The following CTNNA3 variants were observed in gnomAD, a reference collection of about 807,000 sequenced individuals.
CTNNA3 encodes catenin alpha 3.
A neutral mutation model predicts 95.7 loss-of-function variants in CTNNA3; 76 were observed. That is an observed-to-expected ratio of 0.79 (90% confidence interval 0.66 to 0.96). The LOEUF (loss-of-function observed/expected upper bound fraction) is 0.96, where lower values mean the gene tolerates loss of function less well. Ranked by LOEUF, CTNNA3 falls within the 40% of genes least tolerant of loss-of-function variation. CTNNA3 has a pLI of 0.00. For missense variants in CTNNA3, 1,191 were observed against 1,089.8 expected, an observed-to-expected ratio of 1.09 and a Z score of -1.31; for synonymous variants, 431 against 374.4, an observed-to-expected ratio of 1.15 and a Z score of -1.74.
intron 10 of CTNNA3, among the ~76,000 whole-genome samples, chr10:66,617,886 C>T (rs1471738913): frequency 2.0e-5 from 3 of 150,950 alleles, no homozygotes; most frequent in East Asian, 3.9e-4. Context: ...AACCAATGTA[C>T]AAAAATCACA....
At chr10:67,085,786 G>A (rs766899391) in intron 7 of CTNNA3, among the ~76,000 whole-genome samples, 3 of 151,794 alleles carry the variant, frequency 2.0e-5, no homozygotes, top group Non-Finnish European at 2.9e-5. Context: ...TTACTAATAC[G>A]CAAGCCTGCA....
chr10:67,592,421 AGAG>A (rs1461454845), intron 3 of CTNNA3, among the ~76,000 whole-genome samples: 2 of 152,118 alleles, frequency 1.3e-5, no homozygotes, highest in Non-Finnish European at 2.9e-5. Context: ...AAACAAAGGG[AGAG>A]AAGAAGCTGC....
At chr10:66,180,437 C>G (rs953362003) in intron 13 of CTNNA3, among the ~76,000 whole-genome samples, 1 of 152,100 alleles carries the variant, frequency 6.6e-6, no homozygotes, top group Non-Finnish European at 1.5e-5. Context: ...TTTTGTAGCT[C>G]TAATTGATTC....
intron 10 of CTNNA3, 97 bp downstream of exon 10, chr10:66,621,595 A>G: frequency 7.0e-6 from 5 of 716,958 alleles, no homozygotes; most frequent in Non-Finnish European, 2.2e-6. Flanking sequence ...TGGTCTCAAA[A>G]AAAAAAAAAG....
At chr10:67,292,801 A>C (rs1222023011) in intron 5 of CTNNA3, among the ~76,000 whole-genome samples, 11 of 152,204 alleles carry the variant, frequency 7.2e-5, no homozygotes, top group South Asian at 2.1e-4. Flanking sequence ...TGGCAATATT[A>C]AATAGGAACA....
chr10:66,311,616 G>A (rs1335409056), intron 12 of CTNNA3, among the ~76,000 whole-genome samples: 2 of 152,178 alleles, frequency 1.3e-5, no homozygotes, highest in African/African-American at 4.8e-5. Context: ...CCCACCACGT[G>A]TGTGATGTGT....
chr10:67,720,815 G>A (rs1841175826), intron 1 of CTNNA3, among the ~76,000 whole-genome samples: 1 of 152,118 alleles, frequency 6.6e-6, no homozygotes, highest in Admixed American at 6.5e-5. Flanking sequence ...TTAGCCGTGT[G>A]TAGTGGCCAG....
intron 14 of CTNNA3, among the ~76,000 whole-genome samples, chr10:66,096,410 A>T (rs1182735772): frequency 2.0e-5 from 3 of 152,192 alleles, no homozygotes; most frequent in Non-Finnish European, 4.4e-5. Flanking sequence ...TATCTCCAAC[A>T]TGCATCCAAT....
At chr10:66,360,197 CTT>C (rs71466867) in intron 12 of CTNNA3, among the ~76,000 whole-genome samples, 14,773 of 149,376 alleles carry the variant, frequency 0.099, 961 homozygotes, top group South Asian at 0.19. Context: ...AAACACTGAA[CTT>C]TTTTTTTTTT....
chr10:67,195,128 T>G (rs1863289811), intron 6 of CTNNA3, among the ~76,000 whole-genome samples: 1 of 151,046 alleles, frequency 6.6e-6, no homozygotes, highest in South Asian at 2.1e-4. Context: ...CCAGTCCATT[T>G]AAAGGGGCTC....
chr10:66,258,362 A>G lies in CTNNA3; in HGVS notation c.1884+22108T>C, dbSNP rs1415466570. Among the ~76,000 whole-genome samples the G allele has an allele frequency of 2.0e-5, 3 of 152,184 alleles. No homozygotes were observed. The East Asian group carries it at 5.8e-4, about 29-fold the overall frequency. On this transcript the variant is annotated intron_variant, in intron 13 of 17. Transcript: ENST00000433211. ...TCCTGAAGATCTTATCTTAAACATG[A>G]CAACTCCAGGAACTAAACAACAGCT... is the stretch of plus-strand genomic sequence containing the variant.
At chr10:66,445,465 C>A (rs2093412907) in intron 11 of CTNNA3, among the ~76,000 whole-genome samples, 1 of 152,072 alleles carries the variant, frequency 6.6e-6, no homozygotes, top group African/African-American at 2.4e-5. Flanking sequence ...GAAATTATAA[C>A]AAACTGTCTC....
At chr10:66,385,268 G>A (rs917589249) in intron 11 of CTNNA3, among the ~76,000 whole-genome samples, 74 of 152,084 alleles carry the variant, frequency 4.9e-4, no homozygotes, top group African/African-American at 1.7e-3. Context: ...TATCACCACC[G>A]ATCCCACAGA....
At chr10:67,670,966 G>A (rs972665774) in intron 1 of CTNNA3, among the ~76,000 whole-genome samples, 2 of 151,832 alleles carry the variant, frequency 1.3e-5, no homozygotes, top group Non-Finnish European at 2.9e-5. Flanking sequence ...TCATTGTGTG[G>A]TTTTGTTTTT....
chr10:67,081,829 A>G (rs752349525), intron 7 of CTNNA3, among the ~76,000 whole-genome samples: 2 of 152,288 alleles, frequency 1.3e-5, no homozygotes, highest in South Asian at 4.1e-4. Flanking sequence ...TCCTGATCCT[A>G]GCCCAGCAGA....
chr10:66,105,427 T>A (rs751764183), intron 13 of CTNNA3, among the ~76,000 whole-genome samples: 2 of 152,212 alleles, frequency 1.3e-5, no homozygotes, highest in Non-Finnish European at 2.9e-5. Flanking sequence ...GTTTTGCAAC[T>A]GAAGGCTGTC....
chr10:67,616,865 T>C (rs1843674493), intron 2 of CTNNA3, among the ~76,000 whole-genome samples: 1 of 152,202 alleles, frequency 6.6e-6, no homozygotes, highest in South Asian at 2.1e-4. Context: ...CTTACCAAAA[T>C]TGCAAAGACG....
chr10:66,684,631 T>A (rs111380966), intron 9 of CTNNA3, among the ~76,000 whole-genome samples: 1 of 152,180 alleles, frequency 6.6e-6, no homozygotes, highest in Non-Finnish European at 1.5e-5. Context: ...CTTAAACTTC[T>A]CAGGAGAAGT....
chr10:67,221,083 G>C (rs1864630439), intron 5 of CTNNA3, among the ~76,000 whole-genome samples: 1 of 152,176 alleles, frequency 6.6e-6, no homozygotes, highest in South Asian at 2.1e-4. Flanking sequence ...GTGTGGTACT[G>C]AGGATTAGAT....
Sources: allele counts gnomAD v4.1 joint callset (sites outside exome capture counted in the v4.1 genomes callset), GRCh38; gene constraint gnomAD v4.1.1; transcripts MANE v1.5; gene names NCBI Gene and HGNC (gene_info 2026-07-23, HGNC 2026-07-21).